Variants in THOC1 observed in about 807,000 individuals in gnomAD.
THOC1 encodes the protein THO complex 1.
A neutral mutation model predicts 97.3 loss-of-function variants in THOC1; 29 were observed. That is an observed-to-expected ratio of 0.30 (90% CI 0.22 to 0.41). THOC1 has a LOEUF of 0.41. THOC1 is among the 10% of genes least tolerant of loss of function. The pLI, the probability that THOC1 is intolerant of heterozygous loss-of-function variation, is 1.00. For missense variants in THOC1, 529 were observed against 761.9 expected, an observed-to-expected ratio of 0.69 and a Z score of 3.60; for synonymous variants, 255 against 257.0, an observed-to-expected ratio of 0.99 and a Z score of 0.07.
At chr18:250,265 C>T (rs944029827) in intron 9 of THOC1, among the ~76,000 whole-genome samples, 2 of 152,202 alleles carry the variant, frequency 1.3e-5, no homozygotes, top group African/African-American at 4.8e-5. Context: ...TCCTTCACAG[C>T]TGAATAAAAT....
intron 6 of THOC1, 67 bp downstream of exon 6, chr18:259,615 T>A: frequency 8.5e-7 from 1 of 1,177,726 alleles, no homozygotes; most frequent in Non-Finnish European, 1.2e-6. Flanking sequence ...GGTATTTAAT[T>A]CAACCATGTG....
At chr18:263,894 A>G in intron 4 of THOC1, 132 bp downstream of exon 4, 1 of 659,616 alleles carries the variant, frequency 1.5e-6, no homozygotes, top group Middle Eastern at 3.1e-4. Context: ...TTCTTGGCAA[A>G]GTTGGGAGTC....
At chr18:221,143 G>C (rs1240023470) in intron 17 of THOC1, among the ~76,000 whole-genome samples, 1 of 152,114 alleles carries the variant, frequency 6.6e-6, no homozygotes, top group Non-Finnish European at 1.5e-5. Context: ...AAGTATTTTT[G>C]CTTTTGCTAT....
chr18:265,615 T>C (rs906138281), intron 1 of THOC1, 85 bp from the exon 2 acceptor site: 2 of 1,096,318 alleles, frequency 1.8e-6, no homozygotes. Flanking sequence ...ATAGTGTATC[T>C]TACTAACTAA....
chr18:217,303 C>A (rs1326442698), intron 18 of THOC1, among the ~76,000 whole-genome samples: 1 of 152,216 alleles, frequency 6.6e-6, no homozygotes, highest in Non-Finnish European at 1.5e-5. Flanking sequence ...CAAGTTAACA[C>A]CTGCTGTGAG....
chr18:221,606 CTTTTT>C (rs369952039), intron 17 of THOC1, among the ~76,000 whole-genome samples: 1 of 110,952 alleles, frequency 9.0e-6, no homozygotes, highest in Admixed American at 1.1e-4. Context: ...ATAGATGGAT[CTTTTT>C]TTTTTTTTTT....
At chr18:236,478 C>A (rs1239856863) in intron 11 of THOC1, among the ~76,000 whole-genome samples, 1 of 89,280 alleles carries the variant, frequency 1.1e-5, no homozygotes, top group South Asian at 4.9e-4. Context: ...GCCTCAGCCT[C>A]CCGAGTAGCT....
intron 1 of THOC1, 51 bp downstream of exon 1, chr18:267,915 G>T: frequency 6.4e-7 from 1 of 1,554,050 alleles, no homozygotes; most frequent in East Asian, 2.4e-5. Flanking sequence ...AGGGAGAAGA[G>T]GACAAAGCAT....
Position 264,093 on chromosome 18 carries a change from C to A in THOC1, c.190-1G>T. The A allele has an allele frequency of 6.2e-7, 1 of 1,608,064 alleles. No individual in the cohort carries two copies. The highest frequency in any genetic ancestry group is 1.7e-5 in the Admixed American group (1 of 59,640). Reference sequence around the variant, plus strand: ...CGTTTTCACATGATGAATGATTTATCTACCAACAGAGGAGAAACAATTTAA... The same window carrying A: ...CGTTTTCACATGATGAATGATTTATATACCAACAGAGGAGAAACAATTTAA... On this transcript the variant is annotated splice_acceptor_variant, in intron 3 of 20. Transcript: ENST00000261600. LOFTEE classifies it high-confidence loss of function.
chr18:260,849 T>C (rs1463091564), intron 4 of THOC1: 2 of 152,058 alleles, frequency 1.3e-5, no homozygotes, highest in Admixed American at 6.5e-5. Flanking sequence ...TAATGCTAAG[T>C]GAAAAAAGGC....
Position 242,393 on chromosome 18 carries a change from G to A in THOC1, c.918+3931C>T, listed in dbSNP as rs374590823. Among the ~76,000 whole-genome samples, 1 of 151,124 alleles carries A rather than the reference G, an allele frequency of 6.6e-6. No homozygotes were observed. Among genetic ancestry groups the A allele is most frequent in the East Asian group, 1.9e-4 (1 of 5,140 alleles). ...CTTGGGAGGCTGAGGCACGAGAATCGCTTGAACCCAGGAGGTGGAAGTTAC... is the reference window on the plus strand; with the variant it reads ...CTTGGGAGGCTGAGGCACGAGAATCACTTGAACCCAGGAGGTGGAAGTTAC... On this transcript the variant is annotated intron_variant, in intron 11 of 20. Coordinates refer to ENST00000261600, the MANE Select transcript of THOC1 (RefSeq NM_005131.3). The surrounding 1 kb of genome is among the most constrained non-coding windows in gnomAD (Gnocchi z 4.5).
chr18:222,381 T>C (rs1324286044), intron 17 of THOC1, among the ~76,000 whole-genome samples: 2 of 152,242 alleles, frequency 1.3e-5, no homozygotes, highest in East Asian at 1.9e-4. Context: ...CTGGGGACTG[T>C]TGATAATTTC....
chr18:229,112 C>T lies in THOC1; in HGVS notation c.919-2211G>A, dbSNP rs111426343. On this transcript the variant is annotated intron_variant, in intron 11 of 20. Coordinates refer to ENST00000261600, the MANE Select transcript of THOC1 (RefSeq NM_005131.3). ...ATTTCCTTCTGTCACAACTCCTTCA[C>T]GGCTAAAGGTATTCCATCTGGATTA... Among the ~76,000 whole-genome samples, 1,262 of 152,278 alleles carry T rather than the reference C, an allele frequency of 8.3e-3. 13 individuals are homozygous for T. Among genetic ancestry groups the T allele is most frequent in the African/African-American group, 0.028 (1,169 of 41,562 alleles).
At chr18:256,808 G>A (rs1474684445) in intron 7 of THOC1, among the ~76,000 whole-genome samples, 2 of 152,208 alleles carry the variant, frequency 1.3e-5, no homozygotes, top group Admixed American at 6.5e-5. Flanking sequence ...ACAGCATCAT[G>A]TGCTACAGAG....
In THOC1 at chr18:224,154, T is replaced by C. The variant is rs200887739; in HGVS notation, c.1234A>G (p.Ile412Val). 1.2e-5 allele frequency: 20 copies of C among 1,610,390 alleles called. No homozygotes were observed. The African/African-American group carries it at 2.7e-4, about 21-fold the overall frequency. ...TCGGGTGCTGTTCTCTTCCGAATTA[T>C]TCTCGTAGGTTTGGTATCTGATGTT... Reference protein sequence around the residue: ...ERTSDTKPTRIIRKRTAPEDF... With the variant: ...ERTSDTKPTRVIRKRTAPEDF... The change falls in exon 16 of 21, where the codon ATA becomes GTA. Residue 412 changes from isoleucine (I) to valine (V), a missense_variant. Transcript: ENST00000261600.
intron 5 of THOC1, 50 bp from the exon 6 acceptor site, chr18:259,780 T>C: frequency 7.2e-7 from 1 of 1,382,358 alleles, no homozygotes; most frequent in African/African-American, 1.5e-5. Context: ...TGTTACACAT[T>C]CTTCAATAAT....
chr18:251,025 A>C (rs545912266), intron 9 of THOC1, among the ~76,000 whole-genome samples: 1 of 152,324 alleles, frequency 6.6e-6, no homozygotes, highest in South Asian at 2.1e-4. Flanking sequence ...GATAACAAAT[A>C]ATAGCTACTA....
At chr18:267,227 T>C (rs1411356342) in intron 1 of THOC1, among the ~76,000 whole-genome samples, 1 of 152,032 alleles carries the variant, frequency 6.6e-6, no homozygotes, top group African/African-American at 2.4e-5. Context: ...ACGAGCAACA[T>C]AAAAAGAACA....
intron 11 of THOC1, among the ~76,000 whole-genome samples, chr18:228,319 T>A (rs942158773): frequency 3.3e-5 from 5 of 152,188 alleles, no homozygotes; most frequent in Admixed American, 6.5e-5. Context: ...TATTTGGATC[T>A]TACCGAGACT....
Sources: allele counts gnomAD v4.1 joint callset (sites outside exome capture counted in the v4.1 genomes callset), GRCh38; gene constraint gnomAD v4.1.1; non-coding constraint Gnocchi (gnomAD v3.1); transcripts MANE v1.5; gene names NCBI Gene and HGNC (gene_info 2026-07-23, HGNC 2026-07-21).